Variants in ATG4B observed in about 807,000 individuals in gnomAD.
The protein encoded by ATG4B is cysteine protease ATG4B.
ATG4B carries 29 observed loss-of-function variants against 56.6 expected under a neutral mutation model. The ratio of observed to expected loss-of-function variants is 0.51; its 90% CI spans 0.38 to 0.70. The LOEUF is 0.70. Among genes scored for constraint, ATG4B ranks in the 30% least tolerant of loss-of-function variants. The pLI is 0.00. For synonymous variants in ATG4B, 224 were observed against 206.1 expected (o/e 1.09, Z -0.74); for missense variants, 461 against 515.5 (o/e 0.89, Z 1.02).
Position 241,668,455 on chromosome 2 carries a change from T to C in ATG4B, c.812-85T>C. 1 of 1,514,892 alleles carries C rather than the reference T, an allele frequency of 6.6e-7. No homozygotes were observed. The allele number at this position is 1,514,892 out of a possible 1,614,324, so 93.8% of individuals were successfully genotyped here. On this transcript the variant is annotated intron_variant, in intron 9 of 12. Coordinates refer to ENST00000404914, the MANE Select transcript of ATG4B (RefSeq NM_013325.5). The surrounding 1 kb of genome is among the most constrained non-coding windows in gnomAD (Gnocchi z 4.2). ...CCACTGCTTCTCAGTGTGATGTGGG[T>C]GCAGTGGGTCTGAAATGCGGCCTCC... is the stretch of plus-strand genomic sequence containing the variant.
At chr2:241,650,762 T>A (rs1471988431) in intron 1 of ATG4B, among the ~76,000 whole-genome samples, 1 of 151,956 alleles carries the variant, frequency 6.6e-6, no homozygotes, top group Non-Finnish European at 1.5e-5. Context: ...GGAAGTAGCA[T>A]GCTGGCCCCA....
Position 241,666,851 on chromosome 2 carries a change from G to T in ATG4B, c.732+13G>T, listed in dbSNP as rs766529063. The stretch of plus-strand genomic sequence containing the variant: ...GGAGACGCTGAAGGTGGGTCCTGCC[G>T]TGCGGCGCTTGCCCTGAGTCCCCGT... On this transcript the variant is annotated intron_variant, in intron 8 of 12. Coordinates refer to ENST00000404914, the MANE Select transcript of ATG4B (RefSeq NM_013325.5). 1.9e-6 allele frequency: 3 copies of T among 1,548,744 alleles called. No homozygotes were observed. Among genetic ancestry groups the T allele is most frequent in the Non-Finnish European group, 1.7e-6 (2 of 1,147,264 alleles).
chr2:241,653,271 G>A (rs2068276556), intron 3 of ATG4B: 9 of 1,440,554 alleles, frequency 6.2e-6, no homozygotes, highest in Middle Eastern at 3.5e-4. Flanking sequence ...CTTTTGCTCC[G>A]TGACTGACTT....
intron 1 of ATG4B, among the ~76,000 whole-genome samples, chr2:241,640,577 G>A (rs1021687842): frequency 6.6e-6 from 1 of 152,208 alleles, no homozygotes; most frequent in African/African-American, 2.4e-5. Flanking sequence ...ATTGCCCTGG[G>A]GTAGCTAACG....
At position 241,668,100 on chromosome 2, in the gene ATG4B, G is replaced by T; in HGVS notation, c.733-43G>T. On this transcript the variant is annotated intron_variant, in intron 8 of 12. Transcript: ENST00000404914. This position sits in a 1 kb window ranked among gnomAD's most constrained non-coding sequence, Gnocchi z 4.2. The stretch of plus-strand genomic sequence containing the variant: ...ATGGCAGTGGGTGGGGGGACCGTCT[G>T]CTCCCACCTGGGACCTGTGCTCAGT... 6.4e-7 allele frequency: 1 copy of T among 1,550,904 alleles called. No homozygotes were observed. Among genetic ancestry groups the T allele is most frequent in the Non-Finnish European group, 8.7e-7 (1 of 1,145,912 alleles).
In ATG4B at chr2:241,668,701, C is replaced by T. The variant is rs971526131; in HGVS notation, c.957+16C>T. The T allele has an allele frequency of 6.4e-7, 1 of 1,562,130 alleles. No homozygotes were observed. Among genetic ancestry groups the T allele is most frequent in the African/African-American group, 1.4e-5 (1 of 73,552 alleles). ...CATCGCTGTGGTACGTGGCGGCCAC[C>T]TGAGCACACAGGCATTTGGTGCTGA... On this transcript the variant is annotated intron_variant, in intron 10 of 12. Coordinates refer to ENST00000404914, the MANE Select transcript of ATG4B (RefSeq NM_013325.5). The surrounding 1 kb of genome is among the most constrained non-coding windows in gnomAD (Gnocchi z 4.2).
At chr2:241,647,973 G>A (rs920451224) in intron 1 of ATG4B, among the ~76,000 whole-genome samples, 1 of 152,138 alleles carries the variant, frequency 6.6e-6, no homozygotes, top group African/African-American at 2.4e-5. Flanking sequence ...AATTAGCCGG[G>A]CATGGTGGCA....
chr2:241,651,995 A>G lies in ATG4B; in HGVS notation c.184+660A>G. The stretch of plus-strand genomic sequence containing the variant: ...CGGAGGTGAGGGCCGGGCTGGCGTC[A>G]TGCTTCCTCAGTGCCAGGTCAGGGT... On this transcript the variant is annotated intron_variant, in intron 3 of 12. Coordinates refer to ENST00000404914, the MANE Select transcript of ATG4B (RefSeq NM_013325.5). This position sits in a 1 kb window ranked among gnomAD's most constrained non-coding sequence, Gnocchi z 4.1. The G allele has an allele frequency of 2.3e-6, 3 of 1,302,014 alleles. No individual in the cohort carries two copies. Among genetic ancestry groups the G allele is most frequent in the Non-Finnish European group, 3.0e-6 (3 of 987,282 alleles). 80.7% of individuals were successfully genotyped at this position (1,302,014 alleles called of 1,614,324 possible). A position where few individuals can be genotyped will look rare whatever the true frequency, so the allele number is the denominator to read the frequency against.
Sources: allele counts gnomAD v4.1 joint callset (sites outside exome capture counted in the v4.1 genomes callset), GRCh38; gene constraint gnomAD v4.1.1; non-coding constraint Gnocchi (gnomAD v3.1); transcripts MANE v1.5; gene names NCBI Gene and HGNC (gene_info 2026-07-23, HGNC 2026-07-21).